Variants in PCTP observed in about 807,000 individuals in gnomAD.
PCTP encodes the protein START domain-containing protein 2.
A neutral mutation model predicts 31.0 loss-of-function variants in PCTP; 27 were observed. That is an observed-to-expected ratio of 0.87 (90% CI 0.64 to 1.20). PCTP has a LOEUF of 1.20. Among genes scored for constraint, PCTP ranks in the 50% most tolerant of loss-of-function variants. PCTP has a pLI of 0.00. For missense variants in PCTP, 287 were observed against 268.2 expected (o/e 1.07, Z -0.49); for synonymous variants, 108 against 101.2 (o/e 1.07, Z -0.40).
intron 1 of PCTP, among the ~76,000 whole-genome samples, chr17:55,758,081 C>A (rs1910142942): frequency 6.6e-6 from 1 of 152,204 alleles, no homozygotes; most frequent in Admixed American, 6.5e-5. Context: ...CGTTACCATG[C>A]CATTAACCAC....
At chr17:55,753,396 GCAT>G (rs1909818894) in intron 1 of PCTP, among the ~76,000 whole-genome samples, 2 of 152,118 alleles carry the variant, frequency 1.3e-5, no homozygotes, top group African/African-American at 4.8e-5. Flanking sequence ...AACATTTATT[GCAT>G]GATTTCTTAT....
chr17:55,819,010 CAAAA>C (rs56823756), intron 3 of PCTP, among the ~76,000 whole-genome samples: 9 of 51,098 alleles, frequency 1.8e-4, no homozygotes, highest in South Asian at 1.1e-3. Flanking sequence ...GGAAAGAAAT[CAAAA>C]AAAAAAAAAA....
chr17:55,849,946 G>A, the PCTP span, among the ~76,000 whole-genome samples: 1 of 151,976 alleles, frequency 6.6e-6, no homozygotes, highest in Non-Finnish European at 1.5e-5. Context: ...TATTACAGTG[G>A]ATTTTGGTTT....
chr17:55,760,885 C>T (rs940397482), intron 1 of PCTP, among the ~76,000 whole-genome samples: 3 of 152,312 alleles, frequency 2.0e-5, no homozygotes, highest in Admixed American at 6.5e-5. Context: ...GCGTCATCAG[C>T]TGACTCTTGG....
intron 5 of PCTP, among the ~76,000 whole-genome samples, chr17:55,838,666 C>G (rs991005913): frequency 6.6e-6 from 1 of 152,168 alleles, no homozygotes; most frequent in Non-Finnish European, 1.5e-5. Flanking sequence ...AAACACATAT[C>G]AAATGATGCT....
intron 3 of PCTP, among the ~76,000 whole-genome samples, chr17:55,818,243 G>A (rs1239146165): frequency 6.6e-6 from 1 of 151,812 alleles, no homozygotes; most frequent in East Asian, 1.9e-4. Flanking sequence ...TGGGTGGGTA[G>A]GCATGTATTT....
At chr17:55,842,181 A>G (rs1259902849) in intron 5 of PCTP, among the ~76,000 whole-genome samples, 1 of 152,226 alleles carries the variant, frequency 6.6e-6, no homozygotes. Flanking sequence ...AACAAGTTAC[A>G]ATAAGAGATA....
chr17:55,799,547 T>C (rs1265041799), intron 3 of PCTP, among the ~76,000 whole-genome samples: 2 of 152,194 alleles, frequency 1.3e-5, no homozygotes, highest in Admixed American at 6.5e-5. Context: ...TCTGTGTCTT[T>C]TAATTGGGGC....
At chr17:55,809,060 G>T (rs994643961) in intron 3 of PCTP, among the ~76,000 whole-genome samples, 1 of 152,008 alleles carries the variant, frequency 6.6e-6, no homozygotes, top group Non-Finnish European at 1.5e-5. Context: ...TCCAACCTTG[G>T]GGTAAAAAAG....
At position 55,762,192 on chromosome 17, in the gene PCTP, C is replaced by T. The variant is rs147340760; in HGVS notation, c.142-5143C>T. 2.3e-3 allele frequency among the ~76,000 whole-genome samples: 348 copies of T among 152,244 alleles called. 14 individuals are homozygous for T. Among genetic ancestry groups the T allele is most frequent in the Admixed American group, 0.022 (330 of 15,292 alleles). ...TTTCAGGAGGGACTGTATGCTGGCT[C>T]AGGTTTAGGATGGGCCAAAGTTCAG... On this transcript the variant is annotated intron_variant, in intron 1 of 5. Coordinates refer to ENST00000268896, the MANE Select transcript of PCTP (RefSeq NM_021213.4).
At chr17:55,784,022 C>T (rs1205669320) in intron 2 of PCTP, among the ~76,000 whole-genome samples, 2 of 152,174 alleles carry the variant, frequency 1.3e-5, no homozygotes, top group Non-Finnish European at 2.9e-5. Flanking sequence ...TGAGGACTAG[C>T]GGATCAACCA....
intron 3 of PCTP, among the ~76,000 whole-genome samples, chr17:55,816,770 G>A (rs571543184): frequency 6.6e-6 from 1 of 152,334 alleles, no homozygotes; most frequent in East Asian, 1.9e-4. Flanking sequence ...TGTGTTAACA[G>A]GCAATAACAC....
chr17:55,845,727 C>T (rs1270021590), downstream of PCTP, among the ~76,000 whole-genome samples: 30 of 152,106 alleles, frequency 2.0e-4, no homozygotes, highest in Admixed American at 2.0e-3. Context: ...CTGGGACCCC[C>T]GGGACCCCGG....
At chr17:55,826,329 G>T (rs541617074), downstream of PCTP, among the ~76,000 whole-genome samples, 1 of 152,134 alleles carries the variant, frequency 6.6e-6, no homozygotes, top group South Asian at 2.1e-4. Flanking sequence ...GGTTTTGGAC[G>T]CACAAGCAAA....
intron 3 of PCTP, among the ~76,000 whole-genome samples, chr17:55,796,657 G>A (rs955662824): frequency 3.3e-5 from 5 of 151,954 alleles, no homozygotes; most frequent in African/African-American, 1.2e-4. Flanking sequence ...GATGATAGGT[G>A]TAGGTTTATA....
At position 55,766,027 on chromosome 17, in the gene PCTP, C is replaced by A. The variant is rs1020750023; in HGVS notation, c.142-1308C>A. ...GAGGCCTTTCCTGATCACCTGATTA[C>A]ATAGATGTCCTCCCCATCCCCGCCC... is the stretch of plus-strand genomic sequence containing the variant. On this transcript the variant is annotated intron_variant, in intron 1 of 5. Coordinates refer to ENST00000268896, the MANE Select transcript of PCTP (RefSeq NM_021213.4). 7.2e-5 allele frequency among the ~76,000 whole-genome samples: 11 copies of A among 152,220 alleles called. No homozygotes were observed. The East Asian group carries it at 7.7e-4, about 11-fold the overall frequency.
intron 1 of PCTP, 190 bp downstream of exon 1, chr17:55,751,434 T>C: frequency 3.9e-6 from 6 of 1,533,986 alleles, no homozygotes; most frequent in Non-Finnish European, 4.4e-6. Flanking sequence ...GTGACTGCCG[T>C]GCAGATCCAG....
At chr17:55,824,702 T>G (rs1905337437), downstream of PCTP, among the ~76,000 whole-genome samples, 1 of 152,152 alleles carries the variant, frequency 6.6e-6, no homozygotes, top group African/African-American at 2.4e-5. Context: ...CAGAACAAAT[T>G]TAGCCTTGGA....
At chr17:55,844,884 T>TGGA (rs924016452), downstream of PCTP, among the ~76,000 whole-genome samples, 2 of 151,798 alleles carry the variant, frequency 1.3e-5, no homozygotes, top group African/African-American at 2.4e-5. Flanking sequence ...AGGTCAGGAT[T>TGGA]GGAGACCAGC....
Sources: allele counts gnomAD v4.1 joint callset (sites outside exome capture counted in the v4.1 genomes callset), GRCh38; gene constraint gnomAD v4.1.1; transcripts MANE v1.5; gene names NCBI Gene and HGNC (gene_info 2026-07-23, HGNC 2026-07-21).